RANBP17: variants seen among roughly 807,000 people sequenced by gnomAD.
The protein encoded by RANBP17 is RAN binding protein 17.
Under a neutral mutation model 141.2 loss-of-function variants are expected in RANBP17, and 158 were observed. The observed-to-expected ratio is 1.12, with a 90% CI of 0.98 to 1.28. The LOEUF is 1.28. Ranked by LOEUF, RANBP17 falls within the 50% of genes most tolerant of loss-of-function variation. RANBP17 has a pLI of 0.00. For synonymous variants in RANBP17, 430 were observed against 450.0 expected, an observed-to-expected ratio of 0.96 and a Z score of 0.56; for missense variants, 1,438 against 1,290.7, an observed-to-expected ratio of 1.11 and a Z score of -1.75.
At chr5:170,963,297 C>T (rs1293914605) in intron 13 of RANBP17, among the ~76,000 whole-genome samples, 3 of 152,076 alleles carry the variant, frequency 2.0e-5, no homozygotes, top group East Asian at 1.9e-4. Context: ...AATGTTAGCT[C>T]CTTGTCTCAC....
intron 24 of RANBP17, among the ~76,000 whole-genome samples, chr5:171,247,674 CA>C (rs917642610): frequency 6.6e-6 from 1 of 152,134 alleles, no homozygotes; most frequent in African/African-American, 2.4e-5. Context: ...GCACAGACAC[CA>C]AGCACAGTGT....
In RANBP17 at chr5:171,129,292, G is replaced by A. The variant is rs188183424; in HGVS notation, c.1711-40838G>A. Among the ~76,000 whole-genome samples, 23 of 105,944 alleles carry A rather than the reference G, an allele frequency of 2.2e-4. No homozygotes were observed. In the Admixed American group the frequency reaches 2.2e-3, roughly 10 times the overall value. The allele number at this position is 105,944 out of a possible 152,430, so 69.5% of individuals were successfully genotyped here. A position where few individuals can be genotyped will look rare whatever the true frequency, so the allele number is the denominator to read the frequency against. On this transcript the variant is annotated intron_variant, in intron 14 of 27. Coordinates refer to ENST00000523189, the MANE Select transcript of RANBP17 (RefSeq NM_022897.5). Reference sequence around the variant, plus strand: ...GTAGATCAGTAGGAAACAATTTATAGCAATTCTTTTACCACACATTTGTTG... The same window carrying A: ...GTAGATCAGTAGGAAACAATTTATAACAATTCTTTTACCACACATTTGTTG...
At chr5:171,230,998 A>C (rs1470040598) in intron 22 of RANBP17, among the ~76,000 whole-genome samples, 6 of 151,506 alleles carry the variant, frequency 4.0e-5, no homozygotes, top group African/African-American at 9.7e-5. Context: ...GTGCAGTGTC[A>C]TGATCATAAT....
At chr5:171,138,213 A>G (rs1397531173) in intron 14 of RANBP17, among the ~76,000 whole-genome samples, 5 of 152,264 alleles carry the variant, frequency 3.3e-5, no homozygotes, top group East Asian at 3.9e-4. Flanking sequence ...TGAAACAACA[A>G]TAAAGCTGGG....
At chr5:170,966,083 G>C (rs1275956705) in intron 13 of RANBP17, among the ~76,000 whole-genome samples, 1 of 151,998 alleles carries the variant, frequency 6.6e-6, no homozygotes, top group Non-Finnish European at 1.5e-5. Context: ...TCCAGGACCA[G>C]ATGGATTCAC....
chr5:171,001,635 T>C (rs1473438540), intron 14 of RANBP17, among the ~76,000 whole-genome samples: 1 of 152,064 alleles, frequency 6.6e-6, no homozygotes, highest in African/African-American at 2.4e-5. Flanking sequence ...CCTTTTTAAG[T>C]TGGAGGCTGA....
chr5:170,992,605 A>G (rs971140755), intron 14 of RANBP17, among the ~76,000 whole-genome samples: 1 of 152,130 alleles, frequency 6.6e-6, no homozygotes, highest in African/African-American at 2.4e-5. Flanking sequence ...GTACATGTCA[A>G]ATCAGCATAC....
intron 14 of RANBP17, among the ~76,000 whole-genome samples, chr5:171,156,644 T>C (rs1758921903): frequency 6.6e-6 from 1 of 152,184 alleles, no homozygotes; most frequent in Admixed American, 6.5e-5. Flanking sequence ...CATGTTTTTG[T>C]AGCAAGAGAA....
intron 25 of RANBP17, among the ~76,000 whole-genome samples, chr5:171,277,938 CT>C (rs140208253): frequency 5.5e-5 from 4 of 72,262 alleles, no homozygotes; most frequent in East Asian, 5.5e-4. Context: ...GGACTTCTTT[CT>C]TTTTTTTTTT....
intron 9 of RANBP17, 139 bp from the exon 10 acceptor site, chr5:170,918,574 A>G: frequency 1.9e-6 from 1 of 537,080 alleles, no homozygotes; most frequent in South Asian, 5.0e-5. Flanking sequence ...ATTTTTTTAC[A>G]TTGTTAACTA....
chr5:171,281,330 C>A (rs2128036809), intron 25 of RANBP17, among the ~76,000 whole-genome samples: 1 of 152,310 alleles, frequency 6.6e-6, no homozygotes, highest in South Asian at 2.1e-4. Flanking sequence ...AGAAAGAAAA[C>A]CCTAAAAAAG....
intron 16 of RANBP17, among the ~76,000 whole-genome samples, chr5:171,176,615 A>G (rs1295883076): frequency 6.6e-6 from 1 of 152,132 alleles, no homozygotes; most frequent in East Asian, 1.9e-4. Context: ...TATAGTTTCT[A>G]TTTCTTCTGT....
chr5:170,990,192 A>G lies in RANBP17; in HGVS notation c.1710+21815A>G, dbSNP rs1359763072. Among the ~76,000 whole-genome samples, 4 of 151,856 alleles carry G rather than the reference A, an allele frequency of 2.6e-5. No homozygotes were observed. The East Asian group carries it at 7.7e-4, about 29-fold the overall frequency. On this transcript the variant is annotated intron_variant, in intron 14 of 27. Coordinates refer to ENST00000523189, the MANE Select transcript of RANBP17 (RefSeq NM_022897.5). The stretch of plus-strand genomic sequence containing the variant: ...GTATCAATAATTATTCTCCAATTAT[A>G]CTATATTGTCTTATAACTTTAGATT...
At chr5:171,246,179 C>T (rs1221834358) in intron 24 of RANBP17, among the ~76,000 whole-genome samples, 1 of 152,200 alleles carries the variant, frequency 6.6e-6, no homozygotes, top group Non-Finnish European at 1.5e-5. Context: ...CCGCACCCGG[C>T]CTTTTCTCAT....
intron 22 of RANBP17, among the ~76,000 whole-genome samples, chr5:171,235,813 C>G (rs1219113358): frequency 6.6e-6 from 1 of 152,028 alleles, no homozygotes; most frequent in African/African-American, 2.4e-5. Context: ...AGGCTGATCT[C>G]AAGCTACTGG....
chr5:170,864,344 A>G (rs149591940), intron 1 of RANBP17, among the ~76,000 whole-genome samples: 2 of 152,190 alleles, frequency 1.3e-5, no homozygotes, highest in African/African-American at 2.4e-5. Flanking sequence ...ACATCATGAC[A>G]TACATAAAAA....
At chr5:171,050,898 T>G (rs1228792449) in intron 14 of RANBP17, among the ~76,000 whole-genome samples, 2 of 152,182 alleles carry the variant, frequency 1.3e-5, no homozygotes, top group African/African-American at 4.8e-5. Context: ...TTCATCTTTA[T>G]TCATGAAGGA....
At chr5:171,144,121 G>A (rs760249926) in intron 14 of RANBP17, among the ~76,000 whole-genome samples, 4 of 152,062 alleles carry the variant, frequency 2.6e-5, no homozygotes, top group South Asian at 2.1e-4. Context: ...TCAACACTTC[G>A]GGAGGCCAAA....
intron 5 of RANBP17, among the ~76,000 whole-genome samples, chr5:170,908,060 T>C (rs1771215471): frequency 6.6e-6 from 1 of 152,020 alleles, no homozygotes; most frequent in Admixed American, 6.6e-5. Flanking sequence ...AGGGAACTCT[T>C]ATATACGTTG....
Sources: gnomAD v4.1 joint callset for allele counts (sites outside exome capture counted in the v4.1 genomes callset) on GRCh38, gnomAD v4.1.1 for gene constraint, MANE v1.5 for transcripts, NCBI Gene and HGNC (gene_info 2026-07-23, HGNC 2026-07-21) for gene names.